VPS13B: variants seen among roughly 807,000 people sequenced by gnomAD.
The protein encoded by VPS13B is vacuolar protein sorting 13 homolog B.
In VPS13B, 285 loss-of-function variants were observed where a neutral mutation model predicts 426.4. The ratio of observed to expected loss-of-function variants is 0.67; its 90% CI spans 0.61 to 0.74. VPS13B has a LOEUF of 0.74. Among genes scored for constraint, VPS13B ranks in the 30% least tolerant of loss-of-function variants. The pLI is 0.00. For synonymous variants in VPS13B, 1,676 were observed against 1,676.4 expected (o/e 1.00, Z 0.01); for missense variants, 4,537 against 4,782.6 (o/e 0.95, Z 1.51).
chr8:99,475,185 T>G (rs954886237), intron 24 of VPS13B, among the ~76,000 whole-genome samples: 1 of 152,214 alleles, frequency 6.6e-6, no homozygotes, highest in African/African-American at 2.4e-5. Flanking sequence ...GGTTACTTGT[T>G]GCCTGGAAGT....
intron 44 of VPS13B, among the ~76,000 whole-genome samples, chr8:99,812,788 A>G (rs1588736112): frequency 6.6e-6 from 1 of 152,162 alleles, no homozygotes; most frequent in African/African-American, 2.4e-5. Flanking sequence ...CATGTTTAAG[A>G]TATCGTTTTC....
At chr8:99,029,222 C>T (rs1034261342) in intron 2 of VPS13B, among the ~76,000 whole-genome samples, 9 of 150,298 alleles carry the variant, frequency 6.0e-5, no homozygotes, top group Non-Finnish European at 1.0e-4. Flanking sequence ...GATGGGATGG[C>T]GGCGGGGAAG....
chr8:99,198,466 A>G (rs1324967432), intron 17 of VPS13B, among the ~76,000 whole-genome samples: 2 of 151,930 alleles, frequency 1.3e-5, no homozygotes, highest in African/African-American at 2.4e-5. Flanking sequence ...AGCCAAACCT[A>G]TTCCATTTTT....
At chr8:99,195,364 G>A (rs548975308) in intron 17 of VPS13B, among the ~76,000 whole-genome samples, 41 of 152,262 alleles carry the variant, frequency 2.7e-4, no homozygotes, top group African/African-American at 9.6e-4. Flanking sequence ...TCAGGAACCC[G>A]TTGGCCATTT....
intron 15 of VPS13B, among the ~76,000 whole-genome samples, chr8:99,169,118 T>A (rs1812182460): frequency 6.6e-6 from 1 of 152,002 alleles, no homozygotes; most frequent in South Asian, 2.1e-4. Flanking sequence ...TGATATTAAT[T>A]CTAGAGATAT....
intron 9 of VPS13B, 30 bp downstream of exon 9, chr8:99,134,757 T>C (rs1300388206): frequency 6.5e-7 from 1 of 1,538,886 alleles, no homozygotes; most frequent in South Asian, 1.2e-5. Context: ...CCTGTATTTT[T>C]AAATATTTTG....
At chr8:99,807,596 A>G (rs916464707) in intron 43 of VPS13B, among the ~76,000 whole-genome samples, 1 of 152,042 alleles carries the variant, frequency 6.6e-6, no homozygotes, top group African/African-American at 2.4e-5. Flanking sequence ...TTTAAACATC[A>G]AAGATATTCT....
chr8:99,470,391 G>T (rs1024309137), intron 24 of VPS13B, among the ~76,000 whole-genome samples: 6 of 151,882 alleles, frequency 4.0e-5, no homozygotes, highest in Admixed American at 1.3e-4. Context: ...ATTTTTATGA[G>T]GTGCAAAGGA....
chr8:99,560,569 T>C (rs1386373), intron 31 of VPS13B, among the ~76,000 whole-genome samples: 26,768 of 152,126 alleles, frequency 0.18, 2,865 homozygotes, highest in East Asian at 0.39. Context: ...CACTGACAAG[T>C]GATTGAATGT....
intron 17 of VPS13B, chr8:99,240,812 C>T (rs1816891333): frequency 2.0e-5 from 3 of 152,538 alleles, no homozygotes; most frequent in Non-Finnish European, 4.4e-5. Flanking sequence ...CATAAATTTC[C>T]CATCCATGCT....
chr8:99,124,545 A>C (rs1377328700), intron 8 of VPS13B, among the ~76,000 whole-genome samples: 1 of 152,154 alleles, frequency 6.6e-6, no homozygotes, highest in African/African-American at 2.4e-5. Flanking sequence ...TGAATGAATA[A>C]ACAAATTGTG....
intron 46 of VPS13B, 41 bp downstream of exon 46, chr8:99,818,575 G>T: frequency 6.2e-7 from 1 of 1,609,098 alleles, no homozygotes; most frequent in South Asian, 1.1e-5. Flanking sequence ...ATATGACTCT[G>T]ACCTTTCCTG....
chr8:99,215,953 T>A (rs139934210), intron 17 of VPS13B, among the ~76,000 whole-genome samples: 2 of 152,318 alleles, frequency 1.3e-5, no homozygotes, highest in East Asian at 3.9e-4. Context: ...ATTGTCTTTT[T>A]TGTAGTGTTC....
At position 99,675,151 on chromosome 8, in the gene VPS13B, T is replaced by G. The variant is rs572489865; in HGVS notation, c.6046+13660T>G. ...GTGATTAACTCCCTCAGCTTTTGTT[T>G]GTCCAGGAAAGTTTTTATCTCTCTT... is the stretch of plus-strand genomic sequence containing the variant. On this transcript the variant is annotated intron_variant, in intron 35 of 61. Transcript: ENST00000357162. 5.0e-4 allele frequency among the ~76,000 whole-genome samples: 76 copies of G among 152,250 alleles called. 1 individual carries two copies. The highest frequency in any genetic ancestry group is 1.8e-3 in the African/African-American group (75 of 41,562).
intron 30 of VPS13B, 60 bp from the exon 31 acceptor site, chr8:99,556,390 A>G: frequency 6.5e-7 from 1 of 1,529,198 alleles, no homozygotes; most frequent in South Asian, 1.2e-5. Context: ...AAATAAACAT[A>G]GAATGGTTAT....
intron 20 of VPS13B, among the ~76,000 whole-genome samples, chr8:99,389,186 G>T (rs1160781032): frequency 6.6e-6 from 1 of 151,878 alleles, no homozygotes; most frequent in Non-Finnish European, 1.5e-5. Context: ...AGCTTTAGCT[G>T]CCCAAAGGTA....
chr8:99,384,061 A>G (rs1813982748), intron 19 of VPS13B, 147 bp from the exon 20 acceptor site: 3 of 715,160 alleles, frequency 4.2e-6, no homozygotes, highest in South Asian at 1.6e-5. Flanking sequence ...CCAGCAATGT[A>G]TCAGGGTTTG....
chr8:99,368,709 C>A (rs1357640728), intron 19 of VPS13B, among the ~76,000 whole-genome samples: 1 of 151,838 alleles, frequency 6.6e-6, no homozygotes, highest in African/African-American at 2.4e-5. Context: ...TATTTTGTAC[C>A]CCAAATCCCC....
intron 43 of VPS13B, among the ~76,000 whole-genome samples, chr8:99,797,697 CAGG>C (rs1002391885): frequency 1.4e-4 from 22 of 152,102 alleles, no homozygotes; most frequent in Admixed American, 6.6e-5. Flanking sequence ...GAACATGCTA[CAGG>C]AGGAGATTAG....
Sources: gnomAD v4.1 joint callset for allele counts (sites outside exome capture counted in the v4.1 genomes callset) on GRCh38, gnomAD v4.1.1 for gene constraint, MANE v1.5 for transcripts, NCBI Gene and HGNC (gene_info 2026-07-23, HGNC 2026-07-21) for gene names.